ESRP1: variants seen among roughly 807,000 people sequenced by gnomAD.
ESRP1 encodes RNA-binding motif protein 35A.
A neutral mutation model predicts 81.7 loss-of-function variants in ESRP1; 33 were observed. The observed-to-expected ratio is 0.40, with a 90% CI of 0.31 to 0.54. The LOEUF (loss-of-function observed/expected upper bound fraction) is 0.54, where lower values mean the gene tolerates loss of function less well. Ranked by LOEUF, ESRP1 falls within the 20% of genes least tolerant of loss-of-function variation. The probability of loss-of-function intolerance (pLI) is 0.41; values close to 1 mark genes in which losing one functional copy is unlikely to be tolerated. For synonymous variants in ESRP1, 320 were observed against 303.3 expected, an observed-to-expected ratio of 1.06 and a Z score of -0.57; for missense variants, 672 against 833.1, an observed-to-expected ratio of 0.81 and a Z score of 2.38.
chr8:94,706,046 G>A lies in ESRP1; in HGVS notation c.*157G>A. The A allele has an allele frequency of 8.2e-7, 1 of 1,213,024 alleles. No homozygotes were observed. Among genetic ancestry groups the A allele is most frequent in the African/African-American group, 1.6e-5 (1 of 64,332 alleles). The allele number at this position is 1,213,024 out of a possible 1,614,324, so 75.1% of individuals were successfully genotyped here. ...TCAGCAAACTTGATTGGACAAACGG[G>A]CCTGTGCCTTATCTTTTGGTGGAGT... On this transcript the variant is annotated 3_prime_UTR_variant, in exon 16 of 16. Coordinates refer to ENST00000433389, the MANE Select transcript of ESRP1 (RefSeq NM_017697.4).
At position 94,683,654 on chromosome 8, in the gene ESRP1, C is replaced by G. The variant is rs181760384; in HGVS notation, c.1820+5283C>G. 2.1e-3 allele frequency among the ~76,000 whole-genome samples: 319 copies of G among 152,100 alleles called. 1 individual carries two copies. The highest frequency in any genetic ancestry group is 7.3e-3 in the African/African-American group (304 of 41,500). ...CAAATGCAGACAAGAATTTAGCATC[C>G]AATGAAATGATGCTAGAAATAATAG... is the stretch of plus-strand genomic sequence containing the variant. On this transcript the variant is annotated intron_variant, in intron 13 of 15. Coordinates refer to ENST00000433389, the MANE Select transcript of ESRP1 (RefSeq NM_017697.4).
At position 94,641,249 on chromosome 8, in the gene ESRP1, T is replaced by A; in HGVS notation, c.-70T>A. ...TCTTAGAAGAGGGTTTAGCACAGGTTTTTTCGTTCTCACTTCCACACCACC... is the reference window on the plus strand; with the variant it reads ...TCTTAGAAGAGGGTTTAGCACAGGTATTTTCGTTCTCACTTCCACACCACC... On this transcript the variant is annotated 5_prime_UTR_variant, in exon 1 of 16. Coordinates refer to ENST00000433389, the MANE Select transcript of ESRP1 (RefSeq NM_017697.4). The A allele has an allele frequency of 6.8e-7, 1 of 1,480,252 alleles. No homozygotes were observed. The highest frequency in any genetic ancestry group is 9.2e-7 in the Non-Finnish European group (1 of 1,083,376). The allele number at this position is 1,480,252 out of a possible 1,614,324, so 91.7% of individuals were successfully genotyped here. A position where few individuals can be genotyped will look rare whatever the true frequency, so the allele number is the denominator to read the frequency against.
At chr8:94,642,297 G>A (rs554248726) in intron 2 of ESRP1, among the ~76,000 whole-genome samples, 1 of 152,346 alleles carries the variant, frequency 6.6e-6, no homozygotes, top group Admixed American at 6.5e-5. Context: ...GTTTGGGACC[G>A]ACATTCACTA....
At chr8:94,673,292 C>G (rs1224290344) in intron 11 of ESRP1, among the ~76,000 whole-genome samples, 2 of 152,166 alleles carry the variant, frequency 1.3e-5, no homozygotes, top group Admixed American at 1.3e-4. Context: ...CAGTATTTGT[C>G]TCTCTTTGCC....
intron 4 of ESRP1, among the ~76,000 whole-genome samples, chr8:94,661,909 C>T (rs576250109): frequency 1.9e-3 from 286 of 152,232 alleles, no homozygotes; most frequent in African/African-American, 6.4e-3. Flanking sequence ...ATCATGAAGT[C>T]GGCATGGTCA....
At chr8:94,650,964 T>C (rs1818095635) in intron 4 of ESRP1, among the ~76,000 whole-genome samples, 2 of 152,138 alleles carry the variant, frequency 1.3e-5, no homozygotes, top group Admixed American at 1.3e-4. Context: ...CTTGGCCTCT[T>C]AAAGTGCTGA....
intron 15 of ESRP1, among the ~76,000 whole-genome samples, chr8:94,704,397 C>G (rs560935416): frequency 1.8e-4 from 27 of 152,086 alleles, no homozygotes; most frequent in African/African-American, 5.1e-4. Flanking sequence ...AAGAGGAACA[C>G]TTGAGGCTGA....
rs1171703394 is a variant in ESRP1 at position 94,681,325 on chromosome 8, CAAAAAAAAAAAAAAAAA to C, written c.1820+2966_1820+2982del. On this transcript the variant is annotated intron_variant, in intron 13 of 15. Coordinates refer to ENST00000433389, the MANE Select transcript of ESRP1 (RefSeq NM_017697.4). Reference sequence around the variant, plus strand: ...TGGGTGACAGAGCAAGACTCCATCTCAAAAAAAAAAAAAAAAAAAAAAAAAAAACTGGCTTGGCATGG... The same window carrying C: ...TGGGTGACAGAGCAAGACTCCATCTCAAAAAAAAAAACTGGCTTGGCATGG... 2.6e-3 allele frequency among the ~76,000 whole-genome samples: 81 copies of C among 31,298 alleles called. 1 individual carries two copies. In the South Asian group the frequency reaches 0.1, roughly 40 times the overall value. 20.5% of individuals were successfully genotyped at this position (31,298 alleles called of 152,430 possible).
intron 3 of ESRP1, among the ~76,000 whole-genome samples, chr8:94,644,352 A>G (rs796516394): frequency 2.6e-5 from 4 of 152,346 alleles, no homozygotes; most frequent in African/African-American, 9.6e-5. Flanking sequence ...GCAATGAAAG[A>G]TGTAGACTGA....
rs773473480 is a variant in ESRP1, at chr8:94,692,754, C to T, written c.1898C>T (p.Thr633Met). ...NLSGVPPQPG[T>M]VVRMQGLAYN... ...AGCGGTGTCCCTCCACAGCCTGGCA[C>T]GGTGGTCAGAATGCAGGGCCTGGCC... Residue 633 changes from threonine to methionine, a missense_variant, in exon 14 of 16, where the codon ACG (threonine) becomes ATG (methionine). Thr to Met is a moderately conservative substitution (Grantham distance 81). Transcript: ENST00000433389. 2.5e-6 allele frequency: 4 copies of T among 1,613,816 alleles called. No individual in the cohort carries two copies. The highest frequency in any genetic ancestry group is 3.3e-5 in the Admixed American group (2 of 59,978).
At position 94,671,691 on chromosome 8, in the gene ESRP1, G is replaced by T. The variant is rs566243295; in HGVS notation, c.1452+20G>T. On this transcript the variant is annotated intron_variant, in intron 11 of 15. Transcript: ENST00000433389. ...CACCAGGTAAGAAAGATACTTAGTG[G>T]AAAACTTATTTGCTTTTTCTCACTA... 1 of 1,596,178 alleles carries T rather than the reference G, an allele frequency of 6.3e-7. No individual in the cohort carries two copies. Among genetic ancestry groups the T allele is most frequent in the South Asian group, 1.1e-5 (1 of 89,056 alleles).
intron 9 of ESRP1, among the ~76,000 whole-genome samples, 175 bp from the exon 10 acceptor site, chr8:94,667,774 G>C (rs983061041): frequency 8.5e-5 from 13 of 152,140 alleles, no homozygotes; most frequent in African/African-American, 2.9e-4. Context: ...ATGAAAAAGG[G>C]GAGGAGTTTC....
chr8:94,682,099 C>T (rs1808914056), intron 13 of ESRP1, among the ~76,000 whole-genome samples: 1 of 152,178 alleles, frequency 6.6e-6, no homozygotes, highest in Non-Finnish European at 1.5e-5. Flanking sequence ...TTAGCTAGGG[C>T]AGAAAAGTAT....
chr8:94,696,114 G>A (rs1259594234), intron 14 of ESRP1, among the ~76,000 whole-genome samples: 3 of 152,162 alleles, frequency 2.0e-5, no homozygotes, highest in Admixed American at 6.5e-5. Flanking sequence ...TTCATCTGGG[G>A]TGGAGGTAAA....
intron 11 of ESRP1, among the ~76,000 whole-genome samples, chr8:94,671,963 A>G (rs1819353628): frequency 6.6e-6 from 1 of 152,210 alleles, no homozygotes. Flanking sequence ...TGCTGTCGTT[A>G]GTATAATAAT....
At chr8:94,667,831 G>A (rs1048938216) in intron 9 of ESRP1, 118 bp from the exon 10 acceptor site, 5 of 742,660 alleles carry the variant, frequency 6.7e-6, no homozygotes, top group African/African-American at 5.3e-5. Flanking sequence ...GCGTTCAGTA[G>A]GAGTATGGGT....
rs548060005 is a variant in ESRP1, at chr8:94,700,166, A to T, written c.*35+3205A>T. ...CTGAGGACGCTTTTCTGTTAACCAA[A>T]CTGTAGCATGGCAAAGTGCTTCCAG... is the stretch of plus-strand genomic sequence containing the variant. On this transcript the variant is annotated intron_variant, in intron 15 of 15. Coordinates refer to ENST00000433389, the MANE Select transcript of ESRP1 (RefSeq NM_017697.4). 6.6e-5 allele frequency among the ~76,000 whole-genome samples: 10 copies of T among 152,316 alleles called. No homozygotes were observed. In the East Asian group the frequency reaches 1.3e-3, roughly 21 times the overall value.
rs15710 is a variant in ESRP1 at position 94,706,220 on chromosome 8, T to C, written c.*331T>C. 0.64 allele frequency: 259,996 copies of C among 406,760 alleles called. 85,931 individuals carry two copies. Among genetic ancestry groups the C allele is most frequent in the African/African-American group, 0.91 (44,365 of 48,876 alleles). 25.2% of individuals were successfully genotyped at this position (406,760 alleles called of 1,614,324 possible). Reference sequence around the variant, plus strand: ...CTTCCAGTTAAAGTGGCATCATAGGTGTTTCCTAAGTTTTAAGTCTTGGAT... The same window carrying C: ...CTTCCAGTTAAAGTGGCATCATAGGCGTTTCCTAAGTTTTAAGTCTTGGAT... On this transcript the variant is annotated 3_prime_UTR_variant, in exon 16 of 16. Transcript: ENST00000433389.
chr8:94,644,324 C>T (rs1255395488), intron 3 of ESRP1, among the ~76,000 whole-genome samples: 28 of 152,242 alleles, frequency 1.8e-4, no homozygotes, highest in Middle Eastern at 3.4e-3. Context: ...ATTTAGGTAC[C>T]TGTATAAGGC....
Sources: allele counts gnomAD v4.1 joint callset (sites outside exome capture counted in the v4.1 genomes callset), GRCh38; gene constraint gnomAD v4.1.1; transcripts MANE v1.5; gene names NCBI Gene and HGNC (gene_info 2026-07-23, HGNC 2026-07-21).